The following ACADSB variants were observed in gnomAD, a reference collection of about 807,000 sequenced individuals.
ACADSB encodes the protein acyl-CoA dehydrogenase short/branched chain.
In ACADSB, 40 loss-of-function variants were observed where a neutral mutation model predicts 54.1. That is an observed-to-expected ratio of 0.74 (90% CI 0.57 to 0.96). ACADSB has a LOEUF of 0.96. Among genes scored for constraint, ACADSB ranks in the 40% least tolerant of loss-of-function variants. ACADSB has a pLI of 0.00. For missense variants in ACADSB, 530 were observed against 510.4 expected (o/e 1.04, Z -0.37); for synonymous variants, 182 against 182.8 (o/e 1.00, Z 0.03).
At chr10:123,042,256 G>A (rs1348090187) in intron 5 of ACADSB, among the ~76,000 whole-genome samples, 2 of 151,880 alleles carry the variant, frequency 1.3e-5, no homozygotes, top group African/African-American at 4.8e-5. Context: ...GTGAACCACT[G>A]CACCTGGCCC....
chr10:123,023,535 A>G (rs1409856656), intron 1 of ACADSB, among the ~76,000 whole-genome samples: 1 of 152,206 alleles, frequency 6.6e-6, no homozygotes, highest in South Asian at 2.1e-4. Context: ...AACTCTAGCC[A>G]TGAGATAGCA....
intron 1 of ACADSB, among the ~76,000 whole-genome samples, chr10:123,031,387 T>C (rs2133471163): frequency 6.6e-6 from 1 of 152,338 alleles, no homozygotes; most frequent in African/African-American, 2.4e-5. Flanking sequence ...TGGAAAGTAT[T>C]TGGCAAGGCA....
intron 1 of ACADSB, among the ~76,000 whole-genome samples, chr10:123,031,819 G>A (rs74159951): frequency 0.013 from 2,013 of 152,134 alleles, 55 homozygotes; most frequent in African/African-American, 0.046. Context: ...CTGTTATTGT[G>A]TCTATGAATC....
At position 123,040,578 on chromosome 10, in the gene ACADSB, G is replaced by T. The variant is rs79380257; in HGVS notation, c.416G>T (p.Cys139Phe). ...AKVDASVAVF[C>F]EIQNTLINTL... ...GTTGATGCATCTGTGGCTGTCTTTT[G>T]TGAGATCCAGAACACATTAATTAAC... is the stretch of plus-strand genomic sequence containing the variant. The change falls in exon 4 of 11, where the codon TGT (cysteine) becomes TTT (phenylalanine). Residue 139 changes from cysteine to phenylalanine, a missense_variant. Transcript: ENST00000358776. The T allele has an allele frequency of 3.1e-6, 5 of 1,613,890 alleles. No individual in the cohort carries two copies. Among genetic ancestry groups the T allele is most frequent in the Non-Finnish European group, 4.2e-6 (5 of 1,179,964 alleles).
intron 1 of ACADSB, among the ~76,000 whole-genome samples, chr10:123,031,987 CT>C (rs1046083592): frequency 6.8e-5 from 10 of 147,800 alleles, no homozygotes; most frequent in Admixed American, 6.8e-5. Context: ...TTTTCTTTTT[CT>C]TTTTTTTTTA....
intron 1 of ACADSB, 92 bp downstream of exon 1, chr10:123,009,163 C>CTCAG: frequency 7.2e-7 from 1 of 1,391,584 alleles, no homozygotes; most frequent in Non-Finnish European, 9.8e-7. Flanking sequence ...GGCCTCGGGG[C>CTCAG]GCCGGCCTGA....
chr10:123,043,143 C>G lies in ACADSB; in HGVS notation c.779C>G (p.Thr260Ser), dbSNP rs1850497508. ...ENKLGLRASS[T>S]CPLTFENVKV... is the part of the protein sequence containing the mutation. ...AAATTGGGGCTCAGAGCTTCTTCCA[C>G]CTGCCCGTTAACATTCGAAAATGTC... The change falls in exon 6 of 11, where the codon ACC becomes AGC. Residue 260 changes from threonine to serine, a missense_variant. By Grantham distance (58) the Thr-to-Ser change is moderately conservative. Coordinates refer to ENST00000358776, the MANE Select transcript of ACADSB (RefSeq NM_001609.4). 6.2e-7 allele frequency: 1 copy of G among 1,613,888 alleles called. No individual in the cohort carries two copies. Among genetic ancestry groups the G allele is most frequent in the Admixed American group, 1.7e-5 (1 of 60,000 alleles).
chr10:123,047,636 C>T (rs1850577933), intron 8 of ACADSB, among the ~76,000 whole-genome samples: 2 of 151,980 alleles, frequency 1.3e-5, no homozygotes, highest in African/African-American at 4.8e-5. Context: ...CAGCTTTAGG[C>T]CTTAGGCAAG....
intron 2 of ACADSB, among the ~76,000 whole-genome samples, chr10:123,037,020 T>C: frequency 6.6e-6 from 1 of 152,226 alleles, no homozygotes; most frequent in South Asian, 2.1e-4. Context: ...CATTAAAAAA[T>C]GAAACAGCGG....
intron 1 of ACADSB, among the ~76,000 whole-genome samples, chr10:123,026,240 C>T (rs902829645): frequency 2.0e-5 from 3 of 152,162 alleles, no homozygotes; most frequent in Non-Finnish European, 4.4e-5. Context: ...TGAAAACATC[C>T]AATCAGTAGC....
intron 1 of ACADSB, among the ~76,000 whole-genome samples, chr10:123,029,986 G>A (rs577911263): frequency 6.6e-6 from 1 of 152,172 alleles, no homozygotes; most frequent in Non-Finnish European, 1.5e-5. Flanking sequence ...CAGAACGGAA[G>A]GGCCTGGGTT....
At chr10:123,020,668 T>G (rs1426548059) in intron 1 of ACADSB, among the ~76,000 whole-genome samples, 5 of 152,234 alleles carry the variant, frequency 3.3e-5, no homozygotes, top group African/African-American at 1.2e-4. Context: ...CCAGAGTGAC[T>G]GTACCATTTT....
chr10:123,029,148 A>G (rs1347768327), intron 1 of ACADSB, among the ~76,000 whole-genome samples: 1 of 152,128 alleles, frequency 6.6e-6, no homozygotes, highest in Non-Finnish European at 1.5e-5. Context: ...GGAGTTCGAG[A>G]TCAGCCTGGC....
chr10:123,040,263 A>G (rs764940542), intron 3 of ACADSB, among the ~76,000 whole-genome samples: 9 of 151,846 alleles, frequency 5.9e-5, no homozygotes, highest in Non-Finnish European at 8.8e-5. Flanking sequence ...AGGCAGGAGA[A>G]TTGCTTGAAC....
At chr10:123,045,338 C>T (rs1053910549) in intron 7 of ACADSB, among the ~76,000 whole-genome samples, 5 of 13,190 alleles carry the variant, frequency 3.8e-4, no homozygotes, top group Non-Finnish European at 7.6e-4. Flanking sequence ...GCCACCACGC[C>T]CAGCCAATTT....
chr10:123,014,670 CTG>C (rs1379285480), intron 1 of ACADSB, among the ~76,000 whole-genome samples: 3 of 152,178 alleles, frequency 2.0e-5, no homozygotes, highest in African/African-American at 2.4e-5. Flanking sequence ...GGTAGGGTAT[CTG>C]TTTTAAAAAT....
At chr10:123,039,481 T>G (rs972586412) in intron 3 of ACADSB, among the ~76,000 whole-genome samples, 1 of 152,220 alleles carries the variant, frequency 6.6e-6, no homozygotes, top group African/African-American at 2.4e-5. Flanking sequence ...ACGATGGAAC[T>G]GGGTCGTTGG....
Position 123,053,103 on chromosome 10 carries a change from G to A in ACADSB, c.1171G>A (p.Gly391Arg). The A allele has an allele frequency of 6.2e-7, 1 of 1,614,058 alleles. No individual in the cohort carries two copies. The highest frequency in any genetic ancestry group is 8.5e-7 in the Non-Finnish European group (1 of 1,179,980). ...TTSKCIEWMGGVGYTKDYPVE... is the reference protein window; with the variant it reads ...TTSKCIEWMGRVGYTKDYPVE... Reference sequence around the variant, plus strand: ...GAGTAAATGTATCGAGTGGATGGGGGGAGTAGGCTACACCAAAGATTACCC... The same window carrying A: ...GAGTAAATGTATCGAGTGGATGGGGAGAGTAGGCTACACCAAAGATTACCC... The change falls in exon 10 of 11, where the codon GGA (glycine) becomes AGA (arginine). Residue 391 changes from glycine to arginine, a missense_variant. Transcript: ENST00000358776.
At chr10:123,012,625 C>A (rs889275708) in intron 1 of ACADSB, among the ~76,000 whole-genome samples, 1 of 151,896 alleles carries the variant, frequency 6.6e-6, no homozygotes, top group Non-Finnish European at 1.5e-5. Context: ...CAGACCTTCA[C>A]GGTGAGTGTT....
Sources: gnomAD v4.1 joint callset for allele counts (sites outside exome capture counted in the v4.1 genomes callset) on GRCh38, gnomAD v4.1.1 for gene constraint, MANE v1.5 for transcripts, NCBI Gene and HGNC (gene_info 2026-07-23, HGNC 2026-07-21) for gene names.